CDH12: variants seen among roughly 807,000 people sequenced by gnomAD.
The protein encoded by CDH12 is cadherin 12.
A neutral mutation model predicts 74.1 loss-of-function variants in CDH12; 41 were observed. The ratio of observed to expected loss-of-function variants is 0.55; its 90% confidence interval spans 0.43 to 0.72. The LOEUF is 0.72. CDH12 is among the 30% of genes least tolerant of loss of function. CDH12 has a pLI of 0.00. For missense variants in CDH12, 945 were observed against 977.2 expected (o/e 0.97, Z 0.44); for synonymous variants, 399 against 355.0 (o/e 1.12, Z -1.39).
intron 3 of CDH12, among the ~76,000 whole-genome samples, chr5:22,396,125 T>A (rs1312206850): frequency 6.6e-6 from 1 of 152,152 alleles, no homozygotes; most frequent in African/African-American, 2.4e-5. Flanking sequence ...TATTACTTTT[T>A]AAAAATTCTT....
At position 22,556,068 on chromosome 5, in the gene CDH12, A is replaced by C. The variant is rs567370233; in HGVS notation, c.-522-50704T>G. Among the ~76,000 whole-genome samples the C allele has an allele frequency of 1.9e-4, 29 of 152,134 alleles. No individual in the cohort carries two copies. In the South Asian group the frequency reaches 5.4e-3, roughly 28 times the overall value. Reference sequence around the variant, plus strand: ...TATCTCTGAGAATTTAAAAAAAAAAAATTTCAAAGAATGAAATATTTTTCT... The same window carrying C: ...TATCTCTGAGAATTTAAAAAAAAAACATTTCAAAGAATGAAATATTTTTCT... On this transcript the variant is annotated intron_variant, in intron 1 of 14. Coordinates refer to ENST00000382254, the MANE Select transcript of CDH12 (RefSeq NM_004061.5).
intron 6 of CDH12, among the ~76,000 whole-genome samples, chr5:21,974,351 C>T (rs1756974666): frequency 6.6e-6 from 1 of 152,042 alleles, no homozygotes; most frequent in African/African-American, 2.4e-5. Context: ...TTAAAATTGT[C>T]CTTAAAGCTG....
intron 1 of CDH12, among the ~76,000 whole-genome samples, chr5:22,656,835 T>C (rs892053213): frequency 2.0e-4 from 31 of 152,142 alleles, no homozygotes; most frequent in Non-Finnish European, 8.8e-5. Flanking sequence ...TTTGTGTGTG[T>C]GTTGGAGAGA....
intron 4 of CDH12, among the ~76,000 whole-genome samples, chr5:22,190,696 T>C (rs1750225891): frequency 6.6e-6 from 1 of 152,138 alleles, no homozygotes. Flanking sequence ...GGTAGGAGTG[T>C]GGTGCGAAAA....
chr5:22,232,948 T>C (rs935632138), intron 3 of CDH12, among the ~76,000 whole-genome samples: 7 of 149,858 alleles, frequency 4.7e-5, no homozygotes, highest in Non-Finnish European at 7.4e-5. Flanking sequence ...TTGTAGAGAA[T>C]CGAATAACCA....
intron 8 of CDH12, among the ~76,000 whole-genome samples, chr5:21,838,752 T>G (rs1488269384): frequency 6.6e-6 from 1 of 152,084 alleles, no homozygotes; most frequent in Non-Finnish European, 1.5e-5. Context: ...TCAGTGGGAG[T>G]AAAGCACGCC....
intron 1 of CDH12, among the ~76,000 whole-genome samples, chr5:22,768,107 A>G (rs1259721755): frequency 6.6e-6 from 1 of 152,028 alleles, no homozygotes; most frequent in Non-Finnish European, 1.5e-5. Flanking sequence ...GTACAGAAAG[A>G]TGGTACTCAA....
intron 6 of CDH12, among the ~76,000 whole-genome samples, chr5:21,865,130 G>A (rs1186235732): frequency 1.3e-5 from 2 of 152,158 alleles, no homozygotes; most frequent in African/African-American, 2.4e-5. Flanking sequence ...TAGAACTTAA[G>A]AGCAATGACC....
intron 6 of CDH12, among the ~76,000 whole-genome samples, chr5:21,953,261 T>C (rs991935056): frequency 4.6e-5 from 7 of 152,152 alleles, no homozygotes; most frequent in Non-Finnish European, 7.3e-5. Flanking sequence ...TCTCAACCAA[T>C]TGTCAACTAA....
At chr5:21,899,935 C>T (rs1753305239) in intron 6 of CDH12, among the ~76,000 whole-genome samples, 1 of 151,804 alleles carries the variant, frequency 6.6e-6, no homozygotes, top group South Asian at 2.1e-4. Context: ...AGAAAATGTG[C>T]TTGAAATTTT....
At chr5:22,191,661 T>TCACG (rs1750306612) in intron 4 of CDH12, among the ~76,000 whole-genome samples, 6 of 142,322 alleles carry the variant, frequency 4.2e-5, no homozygotes, top group Non-Finnish European at 6.1e-5. Flanking sequence ...GCCTCCCGGG[T>TCACG]TCACGCCATT....
At chr5:22,709,666 A>G (rs1409810261) in intron 1 of CDH12, among the ~76,000 whole-genome samples, 1 of 152,200 alleles carries the variant, frequency 6.6e-6, no homozygotes, top group Non-Finnish European at 1.5e-5. Context: ...ACCGAATACA[A>G]TAGATGTTAA....
At chr5:21,768,716 A>C (rs1245535169) in intron 11 of CDH12, among the ~76,000 whole-genome samples, 1 of 152,042 alleles carries the variant, frequency 6.6e-6, no homozygotes, top group Non-Finnish European at 1.5e-5. Context: ...TCAAATATTT[A>C]AGGAACAAAT....
intron 2 of CDH12, among the ~76,000 whole-genome samples, chr5:22,421,601 G>A (rs1363517246): frequency 6.6e-6 from 1 of 152,142 alleles, no homozygotes; most frequent in Non-Finnish European, 1.5e-5. Flanking sequence ...CAGGCAGTTG[G>A]ATTGGTTCCA....
intron 1 of CDH12, among the ~76,000 whole-genome samples, chr5:22,570,249 G>A (rs1161581298): frequency 2.0e-5 from 3 of 151,602 alleles, no homozygotes; most frequent in Admixed American, 6.6e-5. Context: ...AGGTTTCACC[G>A]TGTTGGTAAG....
In CDH12 at chr5:22,091,197, GTATA is replaced by G. The variant is rs144921991; in HGVS notation, c.-186-12339_-186-12336del. On this transcript the variant is annotated intron_variant, in intron 4 of 14. Transcript: ENST00000382254. ...AATATCCTAAAGTGTGTGTGTGTGT[GTATA>G]TATATATATATATATATATAGCTTA... 8.3e-3 allele frequency among the ~76,000 whole-genome samples: 1,101 copies of G among 132,132 alleles called. 8 individuals are homozygous for G. The highest frequency in any genetic ancestry group is 0.028 in the African/African-American group (944 of 33,406). The allele number at this position is 132,132 out of a possible 152,430, so 86.7% of individuals were successfully genotyped here.
Position 21,855,050 on chromosome 5 carries a change from C to T in CDH12, c.527-260G>A, listed in dbSNP as rs190545591. On this transcript the variant is annotated intron_variant, in intron 6 of 14. Transcript: ENST00000382254. ...GCTGGATCATCGAAATGAAAGTCATCATGATACCTTTATTGATTGGCACAC... is the reference window on the plus strand; with the variant it reads ...GCTGGATCATCGAAATGAAAGTCATTATGATACCTTTATTGATTGGCACAC... Among the ~76,000 whole-genome samples, 7 of 151,774 alleles carry T rather than the reference C, an allele frequency of 4.6e-5. No homozygotes were observed. In the East Asian group the frequency reaches 1.4e-3, roughly 30 times the overall value.
intron 1 of CDH12, among the ~76,000 whole-genome samples, chr5:22,678,658 T>C (rs1017052003): frequency 2.0e-5 from 3 of 152,134 alleles, no homozygotes; most frequent in Admixed American, 6.5e-5. Context: ...AAAGTAAAAC[T>C]CTAAAGTGTT....
intron 3 of CDH12, among the ~76,000 whole-genome samples, chr5:22,335,976 T>C (rs1739564586): frequency 6.6e-6 from 1 of 152,092 alleles, no homozygotes; most frequent in Non-Finnish European, 1.5e-5. Context: ...ACTTACTGAA[T>C]GGCTTTGACC....
Sources: allele counts gnomAD v4.1 joint callset (sites outside exome capture counted in the v4.1 genomes callset), GRCh38; gene constraint gnomAD v4.1.1; transcripts MANE v1.5; gene names NCBI Gene and HGNC (gene_info 2026-07-23, HGNC 2026-07-21).